The following FSTL4 variants were observed in gnomAD, a reference collection of about 807,000 sequenced individuals.
FSTL4 encodes follistatin-related protein 4.
In FSTL4, 28 loss-of-function variants were observed where a neutral mutation model predicts 78.2. The observed-to-expected ratio is 0.36, with a 90% CI of 0.27 to 0.49. The LOEUF (loss-of-function observed/expected upper bound fraction) is 0.49, where lower values mean the gene tolerates loss of function less well. Among genes scored for constraint, FSTL4 ranks in the 20% least tolerant of loss-of-function variants. The pLI is 0.98. For synonymous variants in FSTL4, 422 were observed against 440.5 expected, an observed-to-expected ratio of 0.96 and a Z score of 0.53; for missense variants, 922 against 1,084.9, an observed-to-expected ratio of 0.85 and a Z score of 2.11.
At chr5:133,323,243 C>T (rs1007368515) in intron 4 of FSTL4, among the ~76,000 whole-genome samples, 1 of 152,166 alleles carries the variant, frequency 6.6e-6, no homozygotes, top group Non-Finnish European at 1.5e-5. Context: ...GGCATTCACT[C>T]CCCTGCCCTT....
chr5:133,760,125 G>T, the FSTL4 span, among the ~76,000 whole-genome samples: 1 of 152,206 alleles, frequency 6.6e-6, no homozygotes, highest in Non-Finnish European at 1.5e-5. Flanking sequence ...GGTCCTGAGA[G>T]CATCAGCCCT....
intron 2 of FSTL4, among the ~76,000 whole-genome samples, chr5:133,595,508 A>G (rs1033491155): frequency 6.6e-6 from 1 of 152,190 alleles, no homozygotes; most frequent in Non-Finnish European, 1.5e-5. Context: ...CAGTCCCAAG[A>G]TATTTACCAC....
At chr5:133,538,140 T>C (rs532206574) in intron 3 of FSTL4, among the ~76,000 whole-genome samples, 2 of 152,192 alleles carry the variant, frequency 1.3e-5, no homozygotes, top group South Asian at 4.2e-4. Context: ...CTAGTCCAGG[T>C]TCGAACCCAG....
rs569356765 is a variant in FSTL4, at chr5:133,241,416, C to T, written c.895-7879G>A. 5.6e-4 allele frequency among the ~76,000 whole-genome samples: 86 copies of T among 152,290 alleles called. 1 individual carries two copies. The South Asian group carries it at 0.017, about 30-fold the overall frequency. On this transcript the variant is annotated intron_variant, in intron 7 of 15. Coordinates refer to ENST00000265342, the MANE Select transcript of FSTL4 (RefSeq NM_015082.2). ...CCTAGTGGTATGCGTGTTGAAATTG[C>T]GTATAGGGACAAACCTGATTATCTG...
chr5:133,631,069 A>G, the FSTL4 span, among the ~76,000 whole-genome samples: 4 of 152,206 alleles, frequency 2.6e-5, no homozygotes, highest in East Asian at 5.8e-4. Context: ...AGGCGATACC[A>G]TTCAGGACAC....
chr5:133,807,731 G>A, the FSTL4 span, among the ~76,000 whole-genome samples: 4,229 of 152,304 alleles, frequency 0.028, 98 homozygotes, highest in East Asian at 0.11. Flanking sequence ...AAGCTGAGAC[G>A]GCCAGTGGGT....
At chr5:133,340,256 C>T (rs1754552637) in intron 4 of FSTL4, among the ~76,000 whole-genome samples, 1 of 152,184 alleles carries the variant, frequency 6.6e-6, no homozygotes, top group African/African-American at 2.4e-5. Context: ...AGGGGAGGAG[C>T]ACCCCGGATG....
At chr5:133,358,357 C>T (rs1455029190) in intron 4 of FSTL4, among the ~76,000 whole-genome samples, 1 of 152,116 alleles carries the variant, frequency 6.6e-6, no homozygotes, top group Non-Finnish European at 1.5e-5. Context: ...CCCGTCAGCT[C>T]CCAGCATCAA....
At chr5:133,296,416 G>T (rs1018699514) in intron 6 of FSTL4, among the ~76,000 whole-genome samples, 4 of 152,134 alleles carry the variant, frequency 2.6e-5, no homozygotes, top group African/African-American at 4.8e-5. Context: ...ATCCCTTCTC[G>T]ACTTGAAGCC....
At chr5:133,723,715 G>A in the FSTL4 span, among the ~76,000 whole-genome samples, 1 of 152,200 alleles carries the variant, frequency 6.6e-6, no homozygotes. Flanking sequence ...AGCCCCCAGG[G>A]AGTGTGGCTA....
At chr5:133,554,067 T>C (rs1258119348) in intron 3 of FSTL4, among the ~76,000 whole-genome samples, 2 of 152,222 alleles carry the variant, frequency 1.3e-5, no homozygotes, top group African/African-American at 4.8e-5. Context: ...GGTGACCCTG[T>C]GGGGCCTTTG....
chr5:133,335,392 G>A (rs561360286), intron 4 of FSTL4, among the ~76,000 whole-genome samples: 81 of 152,072 alleles, frequency 5.3e-4, no homozygotes, highest in African/African-American at 1.8e-3. Context: ...CGACCTTCAC[G>A]GCCCTGGCTG....
chr5:133,762,515 T>A, the FSTL4 span, among the ~76,000 whole-genome samples: 1 of 152,226 alleles, frequency 6.6e-6, no homozygotes, highest in African/African-American at 2.4e-5. Context: ...GTATATCAGT[T>A]GGAAAGCACT....
At chr5:133,687,538 C>G in the FSTL4 span, among the ~76,000 whole-genome samples, 2 of 152,072 alleles carry the variant, frequency 1.3e-5, no homozygotes, top group Non-Finnish European at 2.9e-5. Context: ...CTTTACAGGG[C>G]GTCAGTTAAA....
intron 4 of FSTL4, among the ~76,000 whole-genome samples, chr5:133,385,210 A>C (rs965718353): frequency 6.6e-6 from 1 of 152,260 alleles, no homozygotes; most frequent in Non-Finnish European, 1.5e-5. Flanking sequence ...TTGTTGAAGC[A>C]ATGAAATGCG....
At chr5:133,497,845 C>G (rs1393657863) in intron 3 of FSTL4, among the ~76,000 whole-genome samples, 1 of 151,964 alleles carries the variant, frequency 6.6e-6, no homozygotes, top group East Asian at 1.9e-4. Context: ...TCAAGAAAGA[C>G]CAGATTTAGG....
Position 133,394,714 on chromosome 5 carries a change from C to T in FSTL4, c.409+6024G>A, listed in dbSNP as rs113517952. 2.1e-3 allele frequency among the ~76,000 whole-genome samples: 316 copies of T among 152,336 alleles called. 3 individuals carry two copies. The highest frequency in any genetic ancestry group is 6.8e-3 in the African/African-American group (281 of 41,584). On this transcript the variant is annotated intron_variant, in intron 4 of 15. Coordinates refer to ENST00000265342, the MANE Select transcript of FSTL4 (RefSeq NM_015082.2). ...CTCCGTGGCACCAGGTCCCATTGAC[C>T]GCCCAAGGGCTGAGGAGTGCGGGTG...
chr5:133,701,122 G>A, the FSTL4 span, among the ~76,000 whole-genome samples: 4 of 152,074 alleles, frequency 2.6e-5, no homozygotes, highest in Non-Finnish European at 5.9e-5. Context: ...CCAGGTGAGA[G>A]CCAGGCATGG....
chr5:133,418,741 C>A (rs1466170280), intron 3 of FSTL4, among the ~76,000 whole-genome samples: 1 of 152,156 alleles, frequency 6.6e-6, no homozygotes, highest in Non-Finnish European at 1.5e-5. Flanking sequence ...TTTAAGGACA[C>A]ACCTTCATTG....
Sources: gnomAD v4.1 joint callset for allele counts (sites outside exome capture counted in the v4.1 genomes callset) on GRCh38, gnomAD v4.1.1 for gene constraint, MANE v1.5 for transcripts, NCBI Gene and HGNC (gene_info 2026-07-23, HGNC 2026-07-21) for gene names.